MYLK: variants seen among roughly 807,000 people sequenced by gnomAD.
MYLK encodes myosin light chain kinase.
In MYLK, 106 loss-of-function variants were observed where a neutral mutation model predicts 203.4. That is an observed-to-expected ratio of 0.52 (90% CI 0.45 to 0.61). The LOEUF (loss-of-function observed/expected upper bound fraction) is 0.61. Among genes scored for constraint, MYLK ranks in the 20% least tolerant of loss-of-function variants. MYLK has a pLI of 0.00. For synonymous variants in MYLK, 867 were observed against 959.5 expected (o/e 0.90, Z 1.78); for missense variants, 2,072 against 2,442.3 (o/e 0.85, Z 3.20).
intron 20 of MYLK, among the ~76,000 whole-genome samples, chr3:123,671,849 G>A (rs189453721): frequency 1.7e-4 from 26 of 152,178 alleles, no homozygotes; most frequent in Admixed American, 4.6e-4. Context: ...GATATGGGAC[G>A]CCTGTGACTG....
At chr3:123,802,240 C>T (rs2065222418) in intron 3 of MYLK, among the ~76,000 whole-genome samples, 1 of 152,226 alleles carries the variant, frequency 6.6e-6, no homozygotes, top group Admixed American at 6.5e-5. Context: ...GGGGTACAAT[C>T]TCAGGGTTTC....
At chr3:123,863,385 A>G (rs1315713940) in intron 2 of MYLK, among the ~76,000 whole-genome samples, 2 of 151,614 alleles carry the variant, frequency 1.3e-5, no homozygotes, top group African/African-American at 4.8e-5. Context: ...AAAAAAAAAA[A>G]AAGGTAAAAC....
In MYLK at chr3:123,701,461, G is replaced by A; in HGVS notation, c.2439C>T (p.Asn813=). 1 of 1,614,098 alleles carries A rather than the reference G, an allele frequency of 6.2e-7. No homozygotes were observed. The highest frequency in any genetic ancestry group is 8.5e-7 in the Non-Finnish European group (1 of 1,180,022). Residue 813 remains asparagine (N), a synonymous_variant, in exon 17 of 34, where the codon AAC becomes AAT. Coordinates refer to ENST00000360304, the MANE Select transcript of MYLK (RefSeq NM_053025.4). ...ACCGTGGAAGGGCTCTGGCAGAGCT[G>A]TTCTGTAGCATCAGTGACACCTGGC... ...CSCQVSLMLQ[N]SSARALPRGR...
At chr3:123,782,492 G>A (rs1402579230) in intron 4 of MYLK, among the ~76,000 whole-genome samples, 1 of 152,194 alleles carries the variant, frequency 6.6e-6, no homozygotes, top group Non-Finnish European at 1.5e-5. Flanking sequence ...ACTTTACTTA[G>A]AGTTGGAAGG....
chr3:123,883,456 T>C (rs1340353580), intron 1 of MYLK, among the ~76,000 whole-genome samples: 1 of 152,012 alleles, frequency 6.6e-6, no homozygotes, highest in Non-Finnish European at 1.5e-5. Flanking sequence ...AAAAAATATA[T>C]ATCCTTGAAA....
chr3:123,704,747 C>CAAAAAAAAAAAAAAAAA (rs5852352), intron 16 of MYLK, among the ~76,000 whole-genome samples: 1 of 87,728 alleles, frequency 1.1e-5, no homozygotes. Flanking sequence ...ACTAAAAATA[C>CAAAAAAAAAAAAAAAAA]AAAAAAAAAA....
intron 3 of MYLK, among the ~76,000 whole-genome samples, chr3:123,813,541 C>T (rs1426793544): frequency 2.6e-5 from 4 of 151,308 alleles, no homozygotes; most frequent in African/African-American, 7.3e-5. Flanking sequence ...GATGGAGTCT[C>T]GCTCTGTTGC....
intron 23 of MYLK, chr3:123,659,628 C>T (rs1472700593): frequency 2.3e-5 from 12 of 512,094 alleles, no homozygotes; most frequent in Admixed American, 2.2e-4. Flanking sequence ...CTAATGCTTT[C>T]TGTTCTTTCT....
At chr3:123,718,721 T>C (rs944344603) in intron 13 of MYLK, among the ~76,000 whole-genome samples, 1 of 152,138 alleles carries the variant, frequency 6.6e-6, no homozygotes, top group Non-Finnish European at 1.5e-5. Flanking sequence ...TCACTGGCTT[T>C]TTCTCTTTAT....
In MYLK at chr3:123,657,427, A is replaced by C. The variant is rs9844788; in HGVS notation, c.3987T>G (p.Asp1329Glu). ...GTGTGCCAGCTGGGGGGTCTGGCTT[A>C]TCTGGGGATAAAGAAGCACAACATC... ...RQAQVNLTVV[D>E]KPDPPAGTPC... Residue 1329 changes from aspartate (D) to glutamate (E), a missense_variant and splice_region_variant, in exon 24 of 34, where the codon GAT becomes GAG. Coordinates refer to ENST00000360304, the MANE Select transcript of MYLK (RefSeq NM_053025.4). 9.4e-4 allele frequency: 1,520 copies of C among 1,613,124 alleles called. 13 individuals are homozygous for C. The African/African-American group carries it at 0.019, about 20-fold the overall frequency.
chr3:123,759,921 G>A (rs371479929), intron 4 of MYLK, among the ~76,000 whole-genome samples: 6 of 152,266 alleles, frequency 3.9e-5, no homozygotes, highest in East Asian at 1.9e-4. Context: ...CTCTGGACCC[G>A]CTCAGGTATA....
At chr3:123,839,580 AAGG>A (rs1237538020) in intron 2 of MYLK, among the ~76,000 whole-genome samples, 1 of 152,198 alleles carries the variant, frequency 6.6e-6, no homozygotes, top group East Asian at 1.9e-4. Context: ...TTAGGCCTGA[AAGG>A]AGAACTAGGA....
intron 29 of MYLK, among the ~76,000 whole-genome samples, chr3:123,636,008 C>G (rs139286070): frequency 2.0e-5 from 3 of 152,276 alleles, no homozygotes; most frequent in Non-Finnish European, 2.9e-5. Context: ...ATTTCATTGA[C>G]ATTAGCCTTG....
At chr3:123,822,466 T>A (rs181285437) in intron 3 of MYLK, among the ~76,000 whole-genome samples, 124 of 152,254 alleles carry the variant, frequency 8.1e-4, no homozygotes, top group African/African-American at 2.8e-3. Flanking sequence ...GTAAGAAACC[T>A]TCAAGGGAAG....
intron 19 of MYLK, among the ~76,000 whole-genome samples, chr3:123,686,781 C>G (rs1315815305): frequency 1.3e-5 from 2 of 152,198 alleles, no homozygotes; most frequent in Non-Finnish European, 2.9e-5. Context: ...TGGGTATTGA[C>G]TCCATGTATG....
chr3:123,682,867 C>T (rs2060317366), intron 19 of MYLK, among the ~76,000 whole-genome samples: 1 of 152,144 alleles, frequency 6.6e-6, no homozygotes, highest in Admixed American at 6.5e-5. Flanking sequence ...GAGACGGGGT[C>T]TAGGCCCCAC....
rs573996294 is a variant in MYLK, at chr3:123,779,728, T to TTC, written c.165+13947_165+13948dup. 1.4e-3 allele frequency among the ~76,000 whole-genome samples: 212 copies of TTC among 152,334 alleles called. 2 individuals are homozygous for TTC. In the Middle Eastern group the frequency reaches 0.02, roughly 15 times the overall value. ...CCATCACTATCAGGACATAAGTCTC[T>TTC]TCTCACCATCACCATCTCCCACCCG... On this transcript the variant is annotated intron_variant, in intron 4 of 33. Transcript: ENST00000360304.
intron 3 of MYLK, chr3:123,800,012 G>A (rs1388670707): frequency 6.6e-6 from 1 of 152,204 alleles, no homozygotes; most frequent in Non-Finnish European, 1.5e-5. Context: ...CTTTTGTTCT[G>A]ACTCTGCTCG....
chr3:123,756,336 T>G (rs1317786075), intron 4 of MYLK, among the ~76,000 whole-genome samples: 3 of 152,232 alleles, frequency 2.0e-5, no homozygotes, highest in African/African-American at 7.2e-5. Context: ...AAGCAAGTCT[T>G]GGGCTATTCC....
Sources: allele counts gnomAD v4.1 joint callset (sites outside exome capture counted in the v4.1 genomes callset), GRCh38; gene constraint gnomAD v4.1.1; transcripts MANE v1.5; gene names NCBI Gene and HGNC (gene_info 2026-07-23, HGNC 2026-07-21).